The following C8orf34 variants were observed in gnomAD, a reference collection of about 807,000 sequenced individuals.
C8orf34 encodes chromosome 8 open reading frame 34.
Under a neutral mutation model 68.3 loss-of-function variants are expected in C8orf34, and 65 were observed. That is an observed-to-expected ratio of 0.95 (90% CI 0.78 to 1.17). The LOEUF (loss-of-function observed/expected upper bound fraction) is 1.17. Among genes scored for constraint, C8orf34 ranks in the 50% most tolerant of loss-of-function variants. The pLI is 0.00. For synonymous variants in C8orf34, 244 were observed against 241.2 expected (o/e 1.01, Z -0.11); for missense variants, 664 against 655.4 (o/e 1.01, Z -0.14).
At position 68,794,505 on chromosome 8, in the gene C8orf34, A is replaced by ATATATTTTTTT. The variant is rs1313909362; in HGVS notation, c.1549+6970_1549+6971insATATTTTTTTT. ...TAAATATATATATATATATATATAT[A>ATATATTTTTTT]TTTTTTTTTTTTTTTTTTAGACAGG... On this transcript the variant is annotated intron_variant, in intron 12 of 13. Transcript: ENST00000518698. Among the ~76,000 whole-genome samples, 8 of 62,236 alleles carry ATATATTTTTTT rather than the reference A, an allele frequency of 1.3e-4. 1 individual carries two copies. The highest frequency in any genetic ancestry group is 9.7e-4 in the African/African-American group (8 of 8,212). The allele number at this position is 62,236 out of a possible 152,430, so 40.8% of individuals were successfully genotyped here. A position where few individuals can be genotyped will look rare whatever the true frequency, so the allele number is the denominator to read the frequency against.
chr8:68,564,343 A>G (rs1816521689), intron 7 of C8orf34, among the ~76,000 whole-genome samples: 1 of 152,214 alleles, frequency 6.6e-6, no homozygotes, highest in Non-Finnish European at 1.5e-5. Context: ...AACAGATAAG[A>G]TGGGAGAGAA....
chr8:68,786,104 A>T (rs1263575381), intron 11 of C8orf34, among the ~76,000 whole-genome samples: 1 of 152,198 alleles, frequency 6.6e-6, no homozygotes, highest in Non-Finnish European at 1.5e-5. Flanking sequence ...GAAAAATATA[A>T]TTGAAAGGGG....
rs561155652 is a variant in C8orf34, at chr8:68,666,101, T to C, written c.1241+25590T>C. ...AACACTTTATATGTATTAACTCATT[T>C]AATCCTGACAGCATCAGAGAGGTTG... On this transcript the variant is annotated intron_variant, in intron 8 of 13. Transcript: ENST00000518698. 1.7e-4 allele frequency among the ~76,000 whole-genome samples: 26 copies of C among 152,338 alleles called. No individual in the cohort carries two copies. The South Asian group carries it at 5.4e-3, about 32-fold the overall frequency.
At chr8:68,682,977 A>G (rs1258882619) in intron 8 of C8orf34, among the ~76,000 whole-genome samples, 1 of 152,072 alleles carries the variant, frequency 6.6e-6, no homozygotes, top group African/African-American at 2.4e-5. Flanking sequence ...TCACAGACTC[A>G]TTGTTGCCAA....
At chr8:68,485,756 A>T (rs988176773) in intron 4 of C8orf34, among the ~76,000 whole-genome samples, 13 of 148,132 alleles carry the variant, frequency 8.8e-5, no homozygotes, top group African/African-American at 2.5e-4. Context: ...AATAAATAAA[A>T]ATAAATCAAG....
chr8:68,361,334 A>G (rs1340139752), intron 1 of C8orf34, among the ~76,000 whole-genome samples: 1 of 152,146 alleles, frequency 6.6e-6, no homozygotes, highest in East Asian at 1.9e-4. Context: ...CGCTGCATGG[A>G]CCAGTCTTTA....
At chr8:68,627,197 C>G (rs1818561524) in intron 7 of C8orf34, among the ~76,000 whole-genome samples, 1 of 152,096 alleles carries the variant, frequency 6.6e-6, no homozygotes, top group Admixed American at 6.6e-5. Flanking sequence ...CAGGTCGACA[C>G]TCTGAACGTT....
At position 68,818,389 on chromosome 8, in the gene C8orf34, A is replaced by G; in HGVS notation, c.*143A>G. 1 of 930,308 alleles carries G rather than the reference A, an allele frequency of 1.1e-6. No homozygotes were observed. The highest frequency in any genetic ancestry group is 1.7e-5 in the African/African-American group (1 of 60,146). 57.6% of individuals were successfully genotyped at this position (930,308 alleles called of 1,614,324 possible). A position where few individuals can be genotyped will look rare whatever the true frequency, so the allele number is the denominator to read the frequency against. On this transcript the variant is annotated 3_prime_UTR_variant, in exon 14 of 14. Coordinates refer to ENST00000518698, the MANE Select transcript of C8orf34 (RefSeq NM_052958.4). ...CTCAATAATAAACAAGTACTATCGT[A>G]GCCAGGGGGTGCCCAAGTATGTAAT...
intron 4 of C8orf34, among the ~76,000 whole-genome samples, chr8:68,482,845 A>G (rs1163817416): frequency 1.3e-5 from 2 of 152,340 alleles, no homozygotes; most frequent in East Asian, 1.9e-4. Flanking sequence ...AGAAGCCAGT[A>G]TGGGCCAGCT....
intron 7 of C8orf34, among the ~76,000 whole-genome samples, chr8:68,600,466 C>G (rs543692893): frequency 6.6e-6 from 1 of 152,118 alleles, no homozygotes; most frequent in South Asian, 2.1e-4. Context: ...TTATCATTTA[C>G]TTCCTGTTTT....
chr8:68,508,163 T>C (rs1027914370), intron 5 of C8orf34, among the ~76,000 whole-genome samples: 3 of 152,238 alleles, frequency 2.0e-5, no homozygotes, highest in African/African-American at 7.2e-5. Flanking sequence ...CCAGTTATTT[T>C]CTAAGCTCAT....
chr8:68,741,097 G>C (rs1384580908), intron 10 of C8orf34, among the ~76,000 whole-genome samples: 4 of 152,108 alleles, frequency 2.6e-5, no homozygotes, highest in Admixed American at 6.6e-5. Flanking sequence ...AAGGGAGGGA[G>C]GGGGGAGAGG....
intron 3 of C8orf34, among the ~76,000 whole-genome samples, chr8:68,455,675 A>C (rs758698173): frequency 4.6e-5 from 7 of 152,258 alleles, no homozygotes; most frequent in Middle Eastern, 3.4e-3. Context: ...ATGTAGATCA[A>C]GTAAAAAAAC....
chr8:68,508,938 G>A (rs1014254825), intron 5 of C8orf34, among the ~76,000 whole-genome samples: 1 of 152,120 alleles, frequency 6.6e-6, no homozygotes, highest in Non-Finnish European at 1.5e-5. Flanking sequence ...CTGCCTCTCA[G>A]TTCGAATTGC....
intron 6 of C8orf34, 105 bp downstream of exon 6, chr8:68,522,076 T>C: frequency 1.0e-6 from 1 of 996,262 alleles, no homozygotes; most frequent in Non-Finnish European, 1.5e-6. Flanking sequence ...TAGTAATTTT[T>C]TATAGAAAAT....
intron 10 of C8orf34, among the ~76,000 whole-genome samples, chr8:68,735,514 G>A (rs947518532): frequency 2.6e-5 from 4 of 152,096 alleles, no homozygotes; most frequent in Non-Finnish European, 5.9e-5. Flanking sequence ...GATGTTGAGT[G>A]CCTTTAAGGG....
chr8:68,556,291 A>C (rs2130110731), intron 7 of C8orf34, among the ~76,000 whole-genome samples: 1 of 139,800 alleles, frequency 7.2e-6, no homozygotes, highest in South Asian at 2.2e-4. Flanking sequence ...GGAAGGAGGG[A>C]ATCTTTTTTT....
intron 7 of C8orf34, among the ~76,000 whole-genome samples, chr8:68,605,760 C>G (rs1192078245): frequency 2.6e-5 from 4 of 152,050 alleles, no homozygotes; most frequent in Non-Finnish European, 2.9e-5. Context: ...ATTGTTAGGA[C>G]AGTGAAACAA....
chr8:68,628,432 T>C (rs1388992129), intron 7 of C8orf34, among the ~76,000 whole-genome samples: 9 of 152,182 alleles, frequency 5.9e-5, no homozygotes, highest in Non-Finnish European at 1.3e-4. Context: ...TCTCCTTTTT[T>C]TCTTTTCCCC....
Sources: gnomAD v4.1 joint callset for allele counts (sites outside exome capture counted in the v4.1 genomes callset) on GRCh38, gnomAD v4.1.1 for gene constraint, MANE v1.5 for transcripts, NCBI Gene and HGNC (gene_info 2026-07-23, HGNC 2026-07-21) for gene names.